The following SLC30A3 variants were observed in gnomAD, a reference collection of about 807,000 sequenced individuals.
SLC30A3 encodes the protein solute carrier family 30 member 3.
A neutral mutation model predicts 35.6 loss-of-function variants in SLC30A3; 20 were observed. The ratio of observed to expected loss-of-function variants is 0.56; its 90% confidence interval spans 0.39 to 0.82. SLC30A3 has a LOEUF of 0.82. SLC30A3 is among the 40% of genes least tolerant of loss of function. The pLI is 0.00. For synonymous variants in SLC30A3, 217 were observed against 224.7 expected (o/e 0.97, Z 0.31); for missense variants, 401 against 530.6 (o/e 0.76, Z 2.40).
chr2:27,266,817 A>G (rs1274981692), upstream of SLC30A3, among the ~76,000 whole-genome samples: 1 of 152,180 alleles, frequency 6.6e-6, no homozygotes, highest in African/African-American at 2.4e-5. Context: ...GAATCACTTG[A>G]ATTCGGGAGG....
At chr2:27,263,504 A>G (rs1002581810), upstream of SLC30A3, 6 of 298,256 alleles carry the variant, frequency 2.0e-5, no homozygotes, top group African/African-American at 1.3e-4. Context: ...GCGGTGACAC[A>G]GGGAGATTCC....
Position 27,259,000 on chromosome 2 carries a change from T to C in SLC30A3, c.96-66A>G. ...GGCTGGCCTGCTCACTCCACGTCCT[T>C]AGTCCCCAGTGCTGGCCTCATCAGA... On this transcript the variant is annotated intron_variant, in intron 1 of 7. Coordinates refer to ENST00000233535, the MANE Select transcript of SLC30A3 (RefSeq NM_003459.5). The surrounding 1 kb of genome is among the most constrained non-coding windows in gnomAD (Gnocchi z 4.0). The C allele has an allele frequency of 1.5e-6, 2 of 1,315,172 alleles. No individual in the cohort carries two copies. The highest frequency in any genetic ancestry group is 1.5e-5 in the South Asian group (1 of 68,886). The allele number at this position is 1,315,172 out of a possible 1,614,324, so 81.5% of individuals were successfully genotyped here.
chr2:27,261,226 G>A (rs1313456750), intron 1 of SLC30A3, among the ~76,000 whole-genome samples: 1 of 152,158 alleles, frequency 6.6e-6, no homozygotes, highest in Non-Finnish European at 1.5e-5. Flanking sequence ...GAACATAAAG[G>A]GAGATACACT....
At position 27,258,064 on chromosome 2, in the gene SLC30A3, G is replaced by A; in HGVS notation, c.425-6C>T. The A allele has an allele frequency of 6.2e-7, 1 of 1,613,634 alleles. No individual in the cohort carries two copies. The highest frequency in any genetic ancestry group is 1.1e-5 in the South Asian group (1 of 91,084). ...GGCCAAAGCCCCCAGAGTCTCTGCG[G>A]GTGGGGGGGGAGACAAGCTGTCAGA... On this transcript the variant is annotated splice_region_variant and splice_polypyrimidine_tract_variant and intron_variant, in intron 3 of 7. Transcript: ENST00000233535. This position sits in a 1 kb window ranked among gnomAD's most constrained non-coding sequence, Gnocchi z 4.0.
At position 27,258,204 on chromosome 2, in the gene SLC30A3, G is replaced by T; in HGVS notation, c.381C>A (p.Thr127=). 6.3e-7 allele frequency: 1 copy of T among 1,598,140 alleles called. No individual in the cohort carries two copies. Among genetic ancestry groups the T allele is most frequent in the Non-Finnish European group, 8.5e-7 (1 of 1,170,754 alleles). ...AGGTCATGGTGCGGGTGGCTGGACG[G>T]GTGGAGAGCCAGAGGGAGAAGAGGC... ...MGSLFSLWLS[T]RPATRTMTFG... Residue 127 remains threonine (T), a synonymous_variant, in exon 3 of 8, where the codon ACC becomes ACA. Coordinates refer to ENST00000233535, the MANE Select transcript of SLC30A3 (RefSeq NM_003459.5). This position sits in a 1 kb window ranked among gnomAD's most constrained non-coding sequence, Gnocchi z 4.0.
chr2:27,256,395 G>C lies in SLC30A3; in HGVS notation c.1009C>G (p.Leu337Val). 6.2e-7 allele frequency: 1 copy of C among 1,614,170 alleles called. No homozygotes were observed. The highest frequency in any genetic ancestry group is 8.5e-7 in the Non-Finnish European group (1 of 1,180,024). Residue 337 changes from leucine (L) to valine (V), a missense_variant, in exon 7 of 8, where the codon CTG (leucine) becomes GTG (valine). Physicochemically the swap from Leu to Val is conservative, Grantham distance 32. This residue lies in a region of SLC30A3 where 296 missense variants were observed against 392.6 expected (regional missense o/e 0.75). Coordinates refer to ENST00000233535, the MANE Select transcript of SLC30A3 (RefSeq NM_003459.5). ...TLTYHVASAHLAIDSTADPEA... is the reference protein window; with the variant it reads ...TLTYHVASAHVAIDSTADPEA... ...GGCCAGTGTGACTCACCGATGGCCA[G>C]GTGTGCAGAGGCAACATGGTAAGTG...
intron 1 of SLC30A3, among the ~76,000 whole-genome samples, chr2:27,272,251 T>C (rs1283572872): frequency 6.6e-6 from 1 of 152,176 alleles, no homozygotes; most frequent in Non-Finnish European, 1.5e-5. Context: ...TCTAGGACCA[T>C]ATGAGGGAAG....
chr2:27,254,877 T>C lies in SLC30A3; in HGVS notation c.*435A>G, dbSNP rs1676749096. 1 of 349,886 alleles carries C rather than the reference T, an allele frequency of 2.9e-6. No individual in the cohort carries two copies. Among genetic ancestry groups the C allele is most frequent in the African/African-American group, 2.2e-5 (1 of 46,406 alleles). 21.7% of individuals were successfully genotyped at this position (349,886 alleles called of 1,614,324 possible). A position where few individuals can be genotyped will look rare whatever the true frequency, so the allele number is the denominator to read the frequency against. On this transcript the variant is annotated 3_prime_UTR_variant, in exon 8 of 8. Coordinates refer to ENST00000233535, the MANE Select transcript of SLC30A3 (RefSeq NM_003459.5). ...CTGCATAGACAGAGCGAGGGCCATG[T>C]GGGGAGGGGGCCCCTACTGACCTCC...
upstream of SLC30A3, among the ~76,000 whole-genome samples, chr2:27,264,980 C>A (rs1042933234): frequency 6.6e-6 from 1 of 152,218 alleles, no homozygotes. The surrounding 1 kb of genome is among the most constrained non-coding windows in gnomAD (Gnocchi z 6.1). Flanking sequence ...GGATGCGCAG[C>A]GGCCACCGCG....
rs948551513 is a variant in SLC30A3, at chr2:27,256,446, C to T, written c.958G>A (p.Glu320Lys). 14 of 1,614,026 alleles carry T rather than the reference C, an allele frequency of 8.7e-6. No individual in the cohort carries two copies. The Admixed American group carries it at 1.7e-4, about 19-fold the overall frequency. Residue 320 changes from glutamate (E) to lysine (K), a missense_variant, in exon 7 of 8, where the codon GAG becomes AAG. Around this residue, in one of 3 missense-constraint regions of SLC30A3, gnomAD observed 296 missense variants for 392.6 expected, o/e 0.75. Transcript: ENST00000233535. ...AGCGTAAGGGCCCACAGGTGCAGCT[C>T]ATGGGTTGCCCGGACTCCTGGCACC... ...LSVPGVRATH[E>K]LHLWALTLTY...
Position 27,255,386 on chromosome 2 carries a change from A to G in SLC30A3, c.1093T>C (p.Cys365Arg). 1 of 1,614,182 alleles carries G rather than the reference A, an allele frequency of 6.2e-7. No individual in the cohort carries two copies. Among genetic ancestry groups the G allele is most frequent in the Non-Finnish European group, 8.5e-7 (1 of 1,180,032 alleles). The change falls in exon 8 of 8, where the codon TGC (cysteine) becomes CGC (arginine). Residue 365 changes from cysteine to arginine, a missense_variant. Cys to Arg is a radical substitution (Grantham distance 180). This residue lies in a region of SLC30A3 where 296 missense variants were observed against 392.6 expected (regional missense o/e 0.75). Transcript: ENST00000233535. This position sits in a 1 kb window ranked among gnomAD's most constrained non-coding sequence, Gnocchi z 5.2. The stretch of plus-strand genomic sequence containing the variant: ...TGATACTGCTCGACCTGCAGGGTGC[A>G]GCTGGAGAATCCAAACCGGGAGTAG... ...RLYSRFGFSS[C>R]TLQVEQYQPE...
chr2:27,275,102 A>G, intron 1 of SLC30A3: 1 of 1,023,086 alleles, frequency 9.8e-7, no homozygotes, highest in Non-Finnish European at 1.4e-6. Context: ...AGGAGGGACC[A>G]AGCGGAGAGC....
At chr2:27,263,302 G>A (rs992764895), upstream of SLC30A3, 4 of 477,152 alleles carry the variant, frequency 8.4e-6, no homozygotes, top group Non-Finnish European at 1.3e-5. Context: ...CCCGCCCACC[G>A]GTTCCAAGCC....
In SLC30A3 at chr2:27,262,101, G is replaced by T. The variant is rs1677217807; in HGVS notation, c.95+711C>A. The stretch of plus-strand genomic sequence containing the variant: ...CTCAGAGGGGCAGGTGGACGGTGGC[G>T]GCAGGCGCGGGGGCCGGCGGGGCGC... On this transcript the variant is annotated intron_variant, in intron 1 of 7. Transcript: ENST00000233535. The surrounding 1 kb of genome is among the most constrained non-coding windows in gnomAD (Gnocchi z 7.5). 3 of 152,302 alleles carry T rather than the reference G, an allele frequency of 2.0e-5. No individual in the cohort carries two copies. Among genetic ancestry groups the T allele is most frequent in the Middle Eastern group, 3.2e-3 (1 of 316 alleles). The allele number at this position is 152,302 out of a possible 1,614,324, so 9.4% of individuals were successfully genotyped here.
chr2:27,266,360 T>G (rs979166680), upstream of SLC30A3, among the ~76,000 whole-genome samples: 7 of 152,232 alleles, frequency 4.6e-5, no homozygotes, highest in Middle Eastern at 3.2e-3. Flanking sequence ...TTATTTTCAG[T>G]CCCCTTTGCT....
chr2:27,275,455 CT>C (rs1277068529), upstream of SLC30A3: 1 of 350,816 alleles, frequency 2.9e-6, no homozygotes, highest in East Asian at 7.6e-5. Flanking sequence ...AGCGTCGACG[CT>C]GCGCACAAGC....
chr2:27,257,227 G>A lies in SLC30A3; in HGVS notation c.704C>T (p.Ala235Val). The change falls in exon 5 of 8, where the codon GCA (alanine) becomes GTA (valine). Residue 235 changes from alanine to valine, a missense_variant. Ala to Val is a moderately conservative substitution (Grantham distance 64, BLOSUM62 0). Coordinates refer to ENST00000233535, the MANE Select transcript of SLC30A3 (RefSeq NM_003459.5). This position sits in a 1 kb window ranked among gnomAD's most constrained non-coding sequence, Gnocchi z 4.7. ...LPLGNTSVRA[A>V]FVHVLGDLLQ... ...GAGGTCCCCCAGCACGTGCACAAAT[G>A]CCGCCCGGACGCTGGTGTTCCCCAG... 1 of 1,614,094 alleles carries A rather than the reference G, an allele frequency of 6.2e-7. No individual in the cohort carries two copies. Among genetic ancestry groups the A allele is most frequent in the Non-Finnish European group, 8.5e-7 (1 of 1,179,986 alleles).
intron 1 of SLC30A3, among the ~76,000 whole-genome samples, chr2:27,260,411 T>A (rs1347069511): frequency 6.6e-6 from 1 of 152,100 alleles, no homozygotes; most frequent in Non-Finnish European, 1.5e-5. Flanking sequence ...CCTTGACAAA[T>A]GAATGGGGCT....
At chr2:27,259,007 C>T in intron 1 of SLC30A3, 73 bp from the exon 2 acceptor site, 4 of 1,232,586 alleles carry the variant, frequency 3.2e-6, no homozygotes, top group Non-Finnish European at 4.5e-6. Flanking sequence ...CCTTAGTCCC[C>T]AGTGCTGGCC....
Sources: gnomAD v4.1 joint callset for allele counts (sites outside exome capture counted in the v4.1 genomes callset) on GRCh38, gnomAD v4.1.1 for gene constraint, gnomAD v4.1.1 regional missense constraint, Gnocchi (gnomAD v3.1) non-coding constraint, MANE v1.5 for transcripts, NCBI Gene and HGNC (gene_info 2026-07-23, HGNC 2026-07-21) for gene names.